The following ZYG11A variants were observed in gnomAD, a reference collection of about 807,000 sequenced individuals.
ZYG11A encodes protein zyg-11 homolog A.
A neutral mutation model predicts 77.2 loss-of-function variants in ZYG11A; 62 were observed. That is an observed-to-expected ratio of 0.80 (90% CI 0.65 to 0.99). ZYG11A has a LOEUF of 0.99. Ranked by LOEUF, ZYG11A falls within the 50% of genes least tolerant of loss-of-function variation. The pLI is 0.00. For missense variants in ZYG11A, 828 were observed against 896.8 expected (o/e 0.92, Z 0.98); for synonymous variants, 315 against 324.6 (o/e 0.97, Z 0.32).
In ZYG11A at chr1:52,881,676, C is replaced by T. The variant is rs984864241; in HGVS notation, c.1944+11C>T. 2 of 1,527,332 alleles carry T rather than the reference C, an allele frequency of 1.3e-6. No individual in the cohort carries two copies. Among genetic ancestry groups the T allele is most frequent in the Admixed American group, 2.1e-5 (1 of 47,622 alleles). 94.6% of individuals were successfully genotyped at this position (1,527,332 alleles called of 1,614,324 possible). A position where few individuals can be genotyped will look rare whatever the true frequency, so the allele number is the denominator to read the frequency against. Reference sequence around the variant, plus strand: ...CTTCTCCAAGATCTGGTACAGGAACCACATTCTTATTTATAAAATCCAGAG... The same window carrying T: ...CTTCTCCAAGATCTGGTACAGGAACTACATTCTTATTTATAAAATCCAGAG... On this transcript the variant is annotated intron_variant, in intron 11 of 13. Coordinates refer to ENST00000371528, the MANE Select transcript of ZYG11A (RefSeq NM_001004339.3).
chr1:52,847,705 C>A (rs893439062), intron 1 of ZYG11A, among the ~76,000 whole-genome samples: 1 of 145,882 alleles, frequency 6.9e-6, no homozygotes, highest in African/African-American at 2.5e-5. Context: ...GAGTCTCGCT[C>A]TGTTTCCAGG....
intron 1 of ZYG11A, among the ~76,000 whole-genome samples, chr1:52,843,627 C>G (rs141066679): frequency 4.9e-4 from 75 of 152,306 alleles, no homozygotes; most frequent in African/African-American, 1.8e-3. Flanking sequence ...AAAATGCAAA[C>G]CCAAAGAATG....
chr1:52,849,229 C>G (rs1011293617), intron 1 of ZYG11A, among the ~76,000 whole-genome samples: 8 of 151,056 alleles, frequency 5.3e-5, no homozygotes, highest in Non-Finnish European at 1.0e-4. Context: ...GCCACCACGC[C>G]CAGCTGATTT....
rs748250865 is a variant in ZYG11A at position 52,887,040 on chromosome 1, C to G, written c.2091C>G (p.Val697=). Residue 697 remains valine, a synonymous_variant, in exon 13 of 14, where the codon GTC becomes GTG. Transcript: ENST00000371528. Reference sequence around the variant, plus strand: ...GGGCACTATGGGCTATGTATCATGTCTGCAGTAAAAATCGTATGTATTCAA... The same window carrying G: ...GGGCACTATGGGCTATGTATCATGTGTGCAGTAAAAATCGTATGTATTCAA... ...QLWALWAMYH[V]CSKNPSKYCK... 1.3e-6 allele frequency: 2 copies of G among 1,528,802 alleles called. No homozygotes were observed. The highest frequency in any genetic ancestry group is 2.5e-5 in the East Asian group (1 of 40,762). 94.7% of individuals were successfully genotyped at this position (1,528,802 alleles called of 1,614,324 possible).
rs1646048156 is a variant in ZYG11A, at chr1:52,867,526, T to C, written c.1392-13T>C. On this transcript the variant is annotated splice_polypyrimidine_tract_variant and intron_variant, in intron 6 of 13. Coordinates refer to ENST00000371528, the MANE Select transcript of ZYG11A (RefSeq NM_001004339.3). ...TATATATAATTGTGAGAAAAATAAA[T>C]ACTGCTTTTCAGGTTTGATGCTGCC... is the stretch of plus-strand genomic sequence containing the variant. 6.6e-7 allele frequency: 1 copy of C among 1,524,790 alleles called. No individual in the cohort carries two copies. The highest frequency in any genetic ancestry group is 8.9e-7 in the Non-Finnish European group (1 of 1,122,776). 94.5% of individuals were successfully genotyped at this position (1,524,790 alleles called of 1,614,324 possible).
Position 52,866,496 on chromosome 1 carries a change from C to T in ZYG11A, c.1327-7C>T, listed in dbSNP as rs755850307. ...GTTCAAAATTATTTTTCTTTATTCT[C>T]TAAAAGTTACAGAAGAATTGTCTTC... On this transcript the variant is annotated splice_polypyrimidine_tract_variant and splice_region_variant and intron_variant, in intron 5 of 13. Transcript: ENST00000371528. 9 of 1,459,972 alleles carry T rather than the reference C, an allele frequency of 6.2e-6. No individual in the cohort carries two copies. Among genetic ancestry groups the T allele is most frequent in the Non-Finnish European group, 8.4e-6 (9 of 1,066,316 alleles). 90.4% of individuals were successfully genotyped at this position (1,459,972 alleles called of 1,614,324 possible).
In ZYG11A at chr1:52,892,998, A is replaced by G; in HGVS notation, c.*41A>G. The stretch of plus-strand genomic sequence containing the variant: ...GAGGTGTGTGCTCTTCCTCAATGTC[A>G]GGTGTTCTGCCCTGGCAGTAATTGC... On this transcript the variant is annotated 3_prime_UTR_variant, in exon 14 of 14. Transcript: ENST00000371528. The G allele has an allele frequency of 6.6e-7, 1 of 1,526,026 alleles. No homozygotes were observed. The highest frequency in any genetic ancestry group is 8.9e-7 in the Non-Finnish European group (1 of 1,128,940). The allele number at this position is 1,526,026 out of a possible 1,614,324, so 94.5% of individuals were successfully genotyped here.
At chr1:52,877,614 CT>C in intron 8 of ZYG11A, 67 bp from the exon 9 acceptor site, 3 of 1,385,576 alleles carry the variant, frequency 2.2e-6, no homozygotes, top group Non-Finnish European at 2.9e-6. Flanking sequence ...CTTAACATTG[CT>C]TTCCTTATAC....
rs373279155 is a variant in ZYG11A at position 52,854,450 on chromosome 1, G to A, written c.91-15G>A. ...ATGTATTCTAACAAAGTTTGTTTGG[G>A]GTTTTGTTTGCTAGGAAGAGGCATC... On this transcript the variant is annotated splice_polypyrimidine_tract_variant and intron_variant, in intron 1 of 13. Coordinates refer to ENST00000371528, the MANE Select transcript of ZYG11A (RefSeq NM_001004339.3). The A allele has an allele frequency of 2.4e-5, 36 of 1,522,452 alleles. No individual in the cohort carries two copies. The African/African-American group carries it at 4.4e-4, about 19-fold the overall frequency. 94.3% of individuals were successfully genotyped at this position (1,522,452 alleles called of 1,614,324 possible). A position where few individuals can be genotyped will look rare whatever the true frequency, so the allele number is the denominator to read the frequency against.
In ZYG11A at chr1:52,877,850, A is replaced by G; in HGVS notation, c.1704+7A>G. On this transcript the variant is annotated splice_region_variant and intron_variant, in intron 9 of 13. Coordinates refer to ENST00000371528, the MANE Select transcript of ZYG11A (RefSeq NM_001004339.3). The stretch of plus-strand genomic sequence containing the variant: ...CTTCATCCAAGTCTTGGAGGTGGGA[A>G]GACAGGATTGAGTTTATATGTAAAG... The G allele has an allele frequency of 6.4e-7, 1 of 1,551,326 alleles. No individual in the cohort carries two copies. Among genetic ancestry groups the G allele is most frequent in the South Asian group, 1.2e-5 (1 of 83,940 alleles).
At chr1:52,875,645 G>A (rs574078787) in intron 8 of ZYG11A, among the ~76,000 whole-genome samples, 6 of 150,502 alleles carry the variant, frequency 4.0e-5, no homozygotes, top group Non-Finnish European at 8.8e-5. Context: ...AATCAAATGA[G>A]GGGAGTGAGA....
At chr1:52,856,604 T>C (rs1645817516) in intron 2 of ZYG11A, among the ~76,000 whole-genome samples, 1 of 152,186 alleles carries the variant, frequency 6.6e-6, no homozygotes, top group Non-Finnish European at 1.5e-5. Context: ...TTAGTAGTGC[T>C]ACTTGTATAT....
intron 3 of ZYG11A, among the ~76,000 whole-genome samples, chr1:52,859,586 C>T (rs774191389): frequency 6.7e-6 from 1 of 150,128 alleles, no homozygotes; most frequent in South Asian, 2.1e-4. Context: ...CTGCCTGCCT[C>T]ATCCTTCCAA....
intron 4 of ZYG11A, 75 bp from the exon 5 acceptor site, chr1:52,863,906 C>A: frequency 1.5e-6 from 2 of 1,340,362 alleles, no homozygotes; most frequent in South Asian, 1.5e-5. Context: ...AAGATTTGTG[C>A]CAATCAAAAC....
At chr1:52,874,892 T>G (rs12145105) in intron 8 of ZYG11A, among the ~76,000 whole-genome samples, 2 of 152,072 alleles carry the variant, frequency 1.3e-5, no homozygotes, top group Admixed American at 6.5e-5. Context: ...CATTGCTTTT[T>G]AGACATAGTG....
chr1:52,880,962 C>T (rs1464626316), intron 10 of ZYG11A, among the ~76,000 whole-genome samples: 1 of 152,170 alleles, frequency 6.6e-6, no homozygotes, highest in Non-Finnish European at 1.5e-5. Context: ...TTTTACGCCA[C>T]TAAGTTTGTG....
intron 11 of ZYG11A, among the ~76,000 whole-genome samples, chr1:52,882,209 A>T (rs1646376057): frequency 1.3e-5 from 2 of 152,164 alleles, no homozygotes; most frequent in South Asian, 4.1e-4. Context: ...CTTATTTCTA[A>T]ATAACATATT....
intron 2 of ZYG11A, 117 bp downstream of exon 2, chr1:52,854,747 A>G: frequency 2.8e-6 from 3 of 1,072,812 alleles, no homozygotes; most frequent in Non-Finnish European, 3.8e-6. Flanking sequence ...TTTGTCTGGA[A>G]GTTGAGACTC....
chr1:52,855,598 A>C (rs568098622), intron 2 of ZYG11A, among the ~76,000 whole-genome samples: 3 of 152,336 alleles, frequency 2.0e-5, no homozygotes, highest in African/African-American at 7.2e-5. Flanking sequence ...AGCAACCACA[A>C]GTCTACTTTC....
Sources: gnomAD v4.1 joint callset for allele counts (sites outside exome capture counted in the v4.1 genomes callset) on GRCh38, gnomAD v4.1.1 for gene constraint, MANE v1.5 for transcripts, NCBI Gene and HGNC (gene_info 2026-07-23, HGNC 2026-07-21) for gene names.